The following GPM6B variants were observed in gnomAD, a reference collection of about 807,000 sequenced individuals.
GPM6B encodes neuronal membrane glycoprotein M6-b.
In GPM6B, 4 loss-of-function variants were observed where a neutral mutation model predicts 27.2. That is an observed-to-expected ratio of 0.15 (90% CI 0.07 to 0.34). The LOEUF is 0.34. Ranked by LOEUF, GPM6B falls within the 10% of genes least tolerant of loss-of-function variation. The pLI, the probability that GPM6B is intolerant of heterozygous loss-of-function variation, is 1.00. For missense variants in GPM6B, 183 were observed against 261.9 expected (o/e 0.70, Z 2.08); for synonymous variants, 124 against 103.1 (o/e 1.20, Z -1.23).
At chrX:13,798,952 G>A (rs185445616) in intron 2 of GPM6B, among the ~76,000 whole-genome samples, 120 of 111,938 alleles carry the variant, frequency 1.1e-3, no homozygotes, top group African/African-American at 3.4e-3. Flanking sequence ...TCTCAACCTT[G>A]GCTGCACAGA....
chrX:13,805,052 G>T (rs1279433779), intron 2 of GPM6B, among the ~76,000 whole-genome samples: 3 of 111,359 alleles, frequency 2.7e-5, no homozygotes, highest in Non-Finnish European at 3.8e-5. Flanking sequence ...CAGTCCCCGT[G>T]GAGGCATCTT....
intron 1 of GPM6B, among the ~76,000 whole-genome samples, chrX:13,835,061 G>A (rs2049480778): frequency 8.9e-6 from 1 of 111,956 alleles, no homozygotes; most frequent in African/African-American, 3.2e-5. Flanking sequence ...CTGTTTCCCT[G>A]TGTGTGGGGG....
At chrX:13,843,134 C>A (rs770722008) in intron 1 of GPM6B, among the ~76,000 whole-genome samples, 1 of 112,060 alleles carries the variant, frequency 8.9e-6, no homozygotes, top group Non-Finnish European at 1.9e-5. Flanking sequence ...TCAAAGCAAC[C>A]ATTAGGAGCT....
At chrX:13,925,690 A>T (rs1365560851) in intron 1 of GPM6B, among the ~76,000 whole-genome samples, 1 of 110,992 alleles carries the variant, frequency 9.0e-6, no homozygotes, top group Non-Finnish European at 1.9e-5. Flanking sequence ...ACAAAGGAAA[A>T]TCTAAATGTA....
intron 1 of GPM6B, among the ~76,000 whole-genome samples, chrX:13,868,639 G>A (rs2049944227): frequency 8.9e-6 from 1 of 112,219 alleles, no homozygotes; most frequent in Non-Finnish European, 1.9e-5. Flanking sequence ...TTTACCCCTT[G>A]GGTCAAATGA....
chrX:13,921,449 G>A (rs1920971811), intron 1 of GPM6B, among the ~76,000 whole-genome samples: 1 of 112,042 alleles, frequency 8.9e-6, no homozygotes, highest in South Asian at 3.7e-4. Flanking sequence ...GCTAGCCAGA[G>A]GTAGAGGAAA....
intron 1 of GPM6B, among the ~76,000 whole-genome samples, chrX:13,935,641 C>T (rs1239194461): frequency 7.1e-5 from 8 of 112,794 alleles, no homozygotes; most frequent in African/African-American, 2.6e-4. Context: ...GAGGTTATTA[C>T]ATGGAATTCA....
chrX:13,795,340 G>A (rs1239846212), intron 2 of GPM6B, among the ~76,000 whole-genome samples: 12 of 112,270 alleles, frequency 1.1e-4, no homozygotes, highest in Non-Finnish European at 1.9e-5. Flanking sequence ...ATTACAAGTA[G>A]TCTTTAAGAA....
chrX:13,924,139 T>C (rs1003379503), intron 1 of GPM6B, among the ~76,000 whole-genome samples: 4 of 111,959 alleles, frequency 3.6e-5, no homozygotes, highest in South Asian at 3.8e-4. Context: ...CAGAGTACAA[T>C]TGCTACACAG....
At chrX:13,827,271 CTTTTTTTT>C (rs1173680918) in intron 1 of GPM6B, among the ~76,000 whole-genome samples, 7 of 73,643 alleles carry the variant, frequency 9.5e-5, no homozygotes, top group Admixed American at 1.5e-4. Context: ...TACCGACTTC[CTTTTTTTT>C]TTTTTTTTTT....
intron 1 of GPM6B, among the ~76,000 whole-genome samples, chrX:13,826,758 T>A (rs893958373): frequency 1.8e-5 from 2 of 109,837 alleles, no homozygotes; most frequent in African/African-American, 3.3e-5. Flanking sequence ...GTTTTTTTTT[T>A]AAAGGAAAGC....
intron 2 of GPM6B, among the ~76,000 whole-genome samples, chrX:13,787,305 T>C (rs1181188164): frequency 1.8e-5 from 2 of 111,875 alleles, no homozygotes; most frequent in African/African-American, 6.5e-5. Flanking sequence ...CAGCTGTTTT[T>C]AGGAAGACCA....
chrX:13,874,467 A>T (rs752171208), intron 1 of GPM6B, among the ~76,000 whole-genome samples: 105 of 106,750 alleles, frequency 9.8e-4, no homozygotes, highest in African/African-American at 3.3e-3. Flanking sequence ...GGAGGCTGAG[A>T]TGGGTGGATC....
intron 1 of GPM6B, among the ~76,000 whole-genome samples, chrX:13,921,584 T>C (rs1920976121): frequency 9.6e-6 from 1 of 104,601 alleles, no homozygotes; most frequent in East Asian, 3.1e-4. Flanking sequence ...CCCCCCCCTT[T>C]TTTTTTTTTT....
chrX:13,906,500 T>C (rs1361890267), intron 1 of GPM6B, among the ~76,000 whole-genome samples: 2 of 111,952 alleles, frequency 1.8e-5, no homozygotes, highest in African/African-American at 6.5e-5. Context: ...CTTTAACGGC[T>C]ACCCATAGAG....
intron 1 of GPM6B, among the ~76,000 whole-genome samples, chrX:13,884,133 C>A (rs1376265973): frequency 1.8e-5 from 2 of 108,720 alleles, no homozygotes; most frequent in African/African-American, 6.7e-5. Context: ...AGCCGAGATC[C>A]CACCACTGCG....
At chrX:13,834,518 G>A (rs1277916812) in intron 1 of GPM6B, among the ~76,000 whole-genome samples, 5 of 112,563 alleles carry the variant, frequency 4.4e-5, no homozygotes, top group South Asian at 3.7e-4. Context: ...TTAAGTAAGC[G>A]AATGCATGCC....
At chrX:13,934,711 C>T (rs754679923) in intron 1 of GPM6B, among the ~76,000 whole-genome samples, 106 of 112,533 alleles carry the variant, frequency 9.4e-4, no homozygotes, top group Non-Finnish European at 1.1e-3. Context: ...TAACATTACT[C>T]TCTCATTTCT....
At chrX:13,891,056 G>A (rs1467897856) in intron 1 of GPM6B, among the ~76,000 whole-genome samples, 1 of 111,130 alleles carries the variant, frequency 9.0e-6, no homozygotes, top group African/African-American at 3.3e-5. Flanking sequence ...TGATCCCAAC[G>A]TGCAGCCAAG....
Sources: gnomAD v4.1 joint callset for allele counts (sites outside exome capture counted in the v4.1 genomes callset) on GRCh38, gnomAD v4.1.1 for gene constraint, MANE v1.5 for transcripts, NCBI Gene and HGNC (gene_info 2026-07-23, HGNC 2026-07-21) for gene names.